The following HSD17B7 variants were observed in gnomAD, a reference collection of about 807,000 sequenced individuals.
HSD17B7 encodes the protein hydroxysteroid 17-beta dehydrogenase 7.
A neutral mutation model predicts 34.1 loss-of-function variants in HSD17B7; 17 were observed. The observed-to-expected ratio is 0.50, with a 90% confidence interval of 0.34 to 0.75. The LOEUF is 0.75. Among genes scored for constraint, HSD17B7 ranks in the 30% least tolerant of loss-of-function variants. The pLI is 0.01. For missense variants in HSD17B7, 296 were observed against 406.6 expected (o/e 0.73, Z 2.34); for synonymous variants, 122 against 154.6 (o/e 0.79, Z 1.56).
At chr1:162,802,423 A>G (rs1048444332) in intron 5 of HSD17B7, among the ~76,000 whole-genome samples, 4 of 152,150 alleles carry the variant, frequency 2.6e-5, no homozygotes, top group African/African-American at 9.7e-5. Flanking sequence ...TATCATGAGG[A>G]TAAGTCTTAG....
intron 2 of HSD17B7, among the ~76,000 whole-genome samples, chr1:162,796,246 T>A (rs555166761): frequency 1.3e-5 from 2 of 152,254 alleles, no homozygotes; most frequent in Non-Finnish European, 2.9e-5. Flanking sequence ...AGAGGGTTGC[T>A]GCAATTCCTT....
At chr1:162,807,561 A>G (rs1269498390) in intron 8 of HSD17B7, among the ~76,000 whole-genome samples, 3 of 152,120 alleles carry the variant, frequency 2.0e-5, no homozygotes, top group Non-Finnish European at 4.4e-5. Context: ...TGTCTTCCAC[A>G]ATGGTTGAAC....
intron 8 of HSD17B7, among the ~76,000 whole-genome samples, chr1:162,808,952 C>T (rs550611566): frequency 3.3e-5 from 5 of 152,070 alleles, no homozygotes; most frequent in Non-Finnish European, 7.3e-5. Flanking sequence ...TAATTGAATA[C>T]CCTTTATTTC....
At chr1:162,792,387 T>C (rs1311638932) in intron 1 of HSD17B7, among the ~76,000 whole-genome samples, 1 of 152,258 alleles carries the variant, frequency 6.6e-6, no homozygotes, top group Non-Finnish European at 1.5e-5. Flanking sequence ...AGCCCAGTAG[T>C]AGAAAAACTA....
rs774976139 is a variant in HSD17B7 at position 162,790,779 on chromosome 1, T to C, written c.-22T>C. The stretch of plus-strand genomic sequence containing the variant: ...GCAGCGGCGGTGTTTGCTTCACTGC[T>C]TGGAAGTGTGAGTGCGCGAAGATGC... On this transcript the variant is annotated 5_prime_UTR_variant, in exon 1 of 9. Coordinates refer to ENST00000254521, the MANE Select transcript of HSD17B7 (RefSeq NM_016371.4). The C allele has an allele frequency of 6.2e-7, 1 of 1,604,624 alleles. No homozygotes were observed. Among genetic ancestry groups the C allele is most frequent in the Admixed American group, 1.7e-5 (1 of 59,502 alleles).
chr1:162,792,403 C>A (rs1648438705), intron 1 of HSD17B7, among the ~76,000 whole-genome samples: 1 of 152,198 alleles, frequency 6.6e-6, no homozygotes, highest in South Asian at 2.1e-4. Flanking sequence ...AACTAAAGAA[C>A]AATTCTTGTT....
In HSD17B7 at chr1:162,797,303, G is replaced by C. The variant is rs577034626; in HGVS notation, c.333-499G>C. 3.1e-5 allele frequency: 5 copies of C among 159,776 alleles called. No homozygotes were observed. The East Asian group carries it at 9.1e-4, about 29-fold the overall frequency. The allele number at this position is 159,776 out of a possible 1,614,324, so 9.9% of individuals were successfully genotyped here. On this transcript the variant is annotated intron_variant, in intron 3 of 8. Coordinates refer to ENST00000254521, the MANE Select transcript of HSD17B7 (RefSeq NM_016371.4). ...ACACACACACTCTCACACTCTCTCT[G>C]TCTCTCTCTCCCCGCATTGATTTTG...
chr1:162,803,557 T>C (rs1648887288), intron 6 of HSD17B7, 22 bp downstream of exon 6: 1 of 1,608,684 alleles, frequency 6.2e-7, no homozygotes, highest in Non-Finnish European at 8.5e-7. Context: ...ATATACTTCT[T>C]TTCTTAACTC....
chr1:162,808,084 G>A (rs528200825), intron 8 of HSD17B7, among the ~76,000 whole-genome samples: 1 of 152,164 alleles, frequency 6.6e-6, no homozygotes, highest in Non-Finnish European at 1.5e-5. Flanking sequence ...TTTCTTCTAG[G>A]GTTTTTATGG....
In HSD17B7 at chr1:162,805,370, C is replaced by T. The variant is rs775736748; in HGVS notation, c.805-24C>T. The T allele has an allele frequency of 4.3e-6, 7 of 1,610,554 alleles. No individual in the cohort carries two copies. The South Asian group carries it at 6.6e-5, about 15-fold the overall frequency. On this transcript the variant is annotated intron_variant, in intron 7 of 8. Coordinates refer to ENST00000254521, the MANE Select transcript of HSD17B7 (RefSeq NM_016371.4). ...CTCATCTTGGGCAGAAGAAACAAAT[C>T]ATTGACACATCCTTCCTTTCCAGGT...
At position 162,797,820 on chromosome 1, in the gene HSD17B7, C is replaced by A. The variant is rs1360942285; in HGVS notation, c.351C>A (p.Phe117Leu). Residue 117 changes from phenylalanine to leucine, a missense_variant, in exon 4 of 9, where the codon TTC becomes TTA. Coordinates refer to ENST00000254521, the MANE Select transcript of HSD17B7 (RefSeq NM_016371.4). ...GLFSRKVIHM[F>L]STAEGLLTQG... ...GTTTCAGAAAAGTGATTCATATGTT[C>A]TCCACAGCTGAAGGCCTGCTGACCC... The A allele has an allele frequency of 4.3e-6, 7 of 1,612,888 alleles. No homozygotes were observed. In the East Asian group the frequency reaches 1.6e-4, roughly 36 times the overall value.
At chr1:162,811,353 C>G (rs563222575) in intron 8 of HSD17B7, among the ~76,000 whole-genome samples, 5 of 152,160 alleles carry the variant, frequency 3.3e-5, no homozygotes, top group Non-Finnish European at 5.9e-5. Flanking sequence ...TGTGGGTAAC[C>G]CGACCTTTCT....
intron 8 of HSD17B7, among the ~76,000 whole-genome samples, chr1:162,808,575 T>G (rs1649067962): frequency 6.6e-6 from 1 of 152,196 alleles, no homozygotes; most frequent in African/African-American, 2.4e-5. Context: ...GCCATTTTCA[T>G]GATATTGATT....
In HSD17B7 at chr1:162,805,433, C is replaced by G. The variant is rs762426126; in HGVS notation, c.844C>G (p.Leu282Val). The G allele has an allele frequency of 4.3e-6, 7 of 1,613,124 alleles. No homozygotes were observed. The highest frequency in any genetic ancestry group is 5.9e-6 in the Non-Finnish European group (7 of 1,179,432). The change falls in exon 8 of 9, where the codon CTG becomes GTG. Residue 282 changes from leucine (L) to valine (V), a missense_variant. Physicochemically the swap from Leu to Val is conservative, Grantham distance 32. Coordinates refer to ENST00000254521, the MANE Select transcript of HSD17B7 (RefSeq NM_016371.4). ...FHQKPESLNP[L>V]IKYLSATTGF... ...CCAAAAGCCTGAATCTCTCAATCCT[C>G]TGATCAAATATCTGAGTGCCACCAC... is the stretch of plus-strand genomic sequence containing the variant.
At chr1:162,804,159 G>A in intron 6 of HSD17B7, 108 bp from the exon 7 acceptor site, 1 of 654,752 alleles carries the variant, frequency 1.5e-6, no homozygotes, top group Non-Finnish European at 2.6e-6. Context: ...TACTTAAAAA[G>A]TGTTCTATAA....
At chr1:162,795,585 A>G (rs560546378) in intron 2 of HSD17B7, 4 of 447,476 alleles carry the variant, frequency 8.9e-6, no homozygotes, top group South Asian at 6.5e-5. Flanking sequence ...TAAATGGTCA[A>G]TTTAATAATT....
At chr1:162,809,118 C>G (rs1278951143) in intron 8 of HSD17B7, among the ~76,000 whole-genome samples, 1 of 152,114 alleles carries the variant, frequency 6.6e-6, no homozygotes, top group African/African-American at 2.4e-5. Context: ...TCATAAATAG[C>G]TCTTATTATT....
At chr1:162,808,333 GT>G (rs1359459368) in intron 8 of HSD17B7, among the ~76,000 whole-genome samples, 2 of 152,096 alleles carry the variant, frequency 1.3e-5, no homozygotes, top group African/African-American at 4.8e-5. Context: ...CTATATCTCT[GT>G]TTTGGTACCA....
chr1:162,811,313 G>A (rs546173011), intron 8 of HSD17B7, among the ~76,000 whole-genome samples: 6 of 152,360 alleles, frequency 3.9e-5, no homozygotes, highest in African/African-American at 1.4e-4. Flanking sequence ...TCTGCCAAGA[G>A]ATCCGCTGTT....
Sources: allele counts gnomAD v4.1 joint callset (sites outside exome capture counted in the v4.1 genomes callset), GRCh38; gene constraint gnomAD v4.1.1; transcripts MANE v1.5; gene names NCBI Gene and HGNC (gene_info 2026-07-23, HGNC 2026-07-21).